Variants in MCPH1 observed in about 807,000 individuals in gnomAD.
MCPH1 encodes the protein microcephalin 1.
A neutral mutation model predicts 84.5 loss-of-function variants in MCPH1; 104 were observed. The ratio of observed to expected loss-of-function variants is 1.23; its 90% CI spans 1.05 to 1.45. MCPH1 has a LOEUF of 1.45. Among genes scored for constraint, MCPH1 ranks in the 40% most tolerant of loss-of-function variants. The probability of loss-of-function intolerance (pLI) is 0.00; values close to 1 mark genes in which losing one functional copy is unlikely to be tolerated. For synonymous variants in MCPH1, 514 were observed against 366.8 expected, an observed-to-expected ratio of 1.40 and a Z score of -4.58; for missense variants, 1,498 against 1,005.7, an observed-to-expected ratio of 1.49 and a Z score of -6.62.
rs541671333 is a variant in MCPH1, at chr8:6,467,358, T to C, written c.1936-10236T>C. On this transcript the variant is annotated intron_variant, in intron 9 of 13. Transcript: ENST00000344683. ...GTTGTTTTATTTTTCTGCAGAAATA[T>C]CTTCTGCTTTTCATTTTAAAGTATA... is the stretch of plus-strand genomic sequence containing the variant. Among the ~76,000 whole-genome samples, 3 of 152,358 alleles carry C rather than the reference T, an allele frequency of 2.0e-5. 1 individual carries two copies. Among genetic ancestry groups the C allele is most frequent in the African/African-American group, 7.2e-5 (3 of 41,594 alleles).
At chr8:6,423,857 G>C (rs542648216) in intron 3 of MCPH1, among the ~76,000 whole-genome samples, 2 of 152,168 alleles carry the variant, frequency 1.3e-5, no homozygotes, top group Non-Finnish European at 2.9e-5. Flanking sequence ...AATGTTGTGA[G>C]TTATCAGTTC....
At chr8:6,519,723 G>GT (rs1354255670) in intron 12 of MCPH1, 2 of 1,018,086 alleles carry the variant, frequency 2.0e-6, no homozygotes, top group Non-Finnish European at 2.7e-6. Context: ...TCTAGGCGAG[G>GT]TAGCTGCCCA....
At chr8:6,579,593 G>C (rs1184632386) in intron 12 of MCPH1, among the ~76,000 whole-genome samples, 1 of 152,134 alleles carries the variant, frequency 6.6e-6, no homozygotes, top group Non-Finnish European at 1.5e-5. Flanking sequence ...TGGACTTTTT[G>C]CTCATGCTTT....
chr8:6,498,129 A>G (rs1039982785), intron 11 of MCPH1, among the ~76,000 whole-genome samples: 2 of 152,270 alleles, frequency 1.3e-5, no homozygotes, highest in African/African-American at 2.4e-5. Context: ...GAATGATAAT[A>G]TTAAAATGTA....
chr8:6,640,477 TTAGA>T (rs1175686742), intron 13 of MCPH1, among the ~76,000 whole-genome samples: 2 of 152,342 alleles, frequency 1.3e-5, no homozygotes, highest in South Asian at 4.1e-4. Context: ...TCTGAATATC[TTAGA>T]TAGGAGATTT....
chr8:6,527,497 C>G, intron 12 of MCPH1: 1 of 1,580,232 alleles, frequency 6.3e-7, no homozygotes, highest in Non-Finnish European at 8.6e-7. Flanking sequence ...TTGAGACCGA[C>G]TTTCATATCT....
At chr8:6,604,615 C>T (rs553100306) in intron 12 of MCPH1, among the ~76,000 whole-genome samples, 1 of 152,368 alleles carries the variant, frequency 6.6e-6, no homozygotes, top group East Asian at 1.9e-4. Context: ...AGTGATTCTC[C>T]TGCCTCAGCC....
chr8:6,425,346 A>G (rs1800902240), intron 3 of MCPH1, among the ~76,000 whole-genome samples: 1 of 152,252 alleles, frequency 6.6e-6, no homozygotes, highest in South Asian at 2.1e-4. Flanking sequence ...ATAGAAATCT[A>G]ACTGGAAGCT....
At position 6,627,086 on chromosome 8, in the gene MCPH1, G is replaced by C. The variant is rs1178439135; in HGVS notation, c.2452+5395G>C. The C allele has an allele frequency of 4.1e-6, 4 of 985,266 alleles. No homozygotes were observed. In the African/African-American group the frequency reaches 5.2e-5, roughly 13 times the overall value. The allele number at this position is 985,266 out of a possible 1,614,324, so 61.0% of individuals were successfully genotyped here. A position where few individuals can be genotyped will look rare whatever the true frequency, so the allele number is the denominator to read the frequency against. ...GTCGATGTTTTCAGGAAAAAGATCC[G>C]ATAGCATGCAGGCCTTCTCATGCTG... On this transcript the variant is annotated intron_variant, in intron 13 of 13. Transcript: ENST00000344683.
intron 8 of MCPH1, among the ~76,000 whole-genome samples, chr8:6,453,369 T>C (rs553752630): frequency 2.0e-5 from 3 of 151,608 alleles, no homozygotes; most frequent in East Asian, 3.9e-4. Flanking sequence ...ATTTGTGAAA[T>C]TGTGAAAACA....
rs2129555669 is a variant in MCPH1 at position 6,444,852 on chromosome 8, C to T, written c.1130C>T (p.Thr377Ile). ...PKEKCKRKRSTRRSIMPRLQL... is the reference protein window; with the variant it reads ...PKEKCKRKRSIRRSIMPRLQL... Reference sequence around the variant, plus strand: ...GAAAAATGCAAGAGAAAGAGGAGCACCAGGAGATCTATCATGCCGAGGCTG... The same window carrying T: ...GAAAAATGCAAGAGAAAGAGGAGCATCAGGAGATCTATCATGCCGAGGCTG... Residue 377 changes from threonine to isoleucine, a missense_variant, in exon 8 of 14, where the codon ACC (threonine) becomes ATC (isoleucine). Transcript: ENST00000344683. 6.2e-7 allele frequency: 1 copy of T among 1,614,158 alleles called. No individual in the cohort carries two copies.
At chr8:6,633,768 C>T (rs1797335034) in intron 13 of MCPH1, among the ~76,000 whole-genome samples, 1 of 152,184 alleles carries the variant, frequency 6.6e-6, no homozygotes. Context: ...TCACGTGGGG[C>T]CGAGAACTCC....
intron 12 of MCPH1, among the ~76,000 whole-genome samples, chr8:6,565,815 G>T (rs769251431): frequency 1.8e-4 from 28 of 152,342 alleles, no homozygotes; most frequent in Admixed American, 5.9e-4. Flanking sequence ...AAGAAAGACA[G>T]TGATGCTTCC....
chr8:6,592,338 G>A (rs1462697708), intron 12 of MCPH1, among the ~76,000 whole-genome samples: 1 of 151,656 alleles, frequency 6.6e-6, no homozygotes, highest in Admixed American at 6.6e-5. Flanking sequence ...GTAGAGACAG[G>A]GTTTTGCCAT....
intron 9 of MCPH1, among the ~76,000 whole-genome samples, chr8:6,464,909 C>G (rs1806683950): frequency 6.6e-6 from 1 of 151,548 alleles, no homozygotes; most frequent in African/African-American, 2.4e-5. Flanking sequence ...TAAGGCAGGA[C>G]AATCACTTGA....
At chr8:6,475,149 A>C (rs993122689) in intron 9 of MCPH1, among the ~76,000 whole-genome samples, 1 of 152,292 alleles carries the variant, frequency 6.6e-6, no homozygotes, top group Middle Eastern at 3.4e-3. Context: ...CCATCTCATG[A>C]TGGTTATCCC....
Position 6,647,830 on chromosome 8 carries a change from C to T in MCPH1, c.*4781C>T, listed in dbSNP as rs1798286262. The T allele has an allele frequency of 6.6e-6, 1 of 152,160 alleles. No individual in the cohort carries two copies. 9.4% of individuals were successfully genotyped at this position (152,160 alleles called of 1,614,324 possible). A position where few individuals can be genotyped will look rare whatever the true frequency, so the allele number is the denominator to read the frequency against. On this transcript the variant is annotated 3_prime_UTR_variant, in exon 14 of 14. Coordinates refer to ENST00000344683, the MANE Select transcript of MCPH1 (RefSeq NM_024596.5). Reference sequence around the variant, plus strand: ...TAAAACTGGATTGTGATTTTGGTTACACAACTGTATACATTTACTAAAATC... The same window carrying T: ...TAAAACTGGATTGTGATTTTGGTTATACAACTGTATACATTTACTAAAATC...
intron 13 of MCPH1, among the ~76,000 whole-genome samples, chr8:6,631,706 T>C (rs1797174144): frequency 6.7e-6 from 1 of 149,966 alleles, no homozygotes; most frequent in Admixed American, 6.7e-5. Context: ...ATGTGGAAAA[T>C]TGGAACCTTG....
chr8:6,609,828 CCA>C (rs1554476435), intron 12 of MCPH1, among the ~76,000 whole-genome samples: 1 of 108,734 alleles, frequency 9.2e-6, no homozygotes, highest in Non-Finnish European at 2.2e-5. Context: ...CGCCCCCCCC[CCA>C]CACACAGACT....
Sources: allele counts gnomAD v4.1 joint callset (sites outside exome capture counted in the v4.1 genomes callset), GRCh38; gene constraint gnomAD v4.1.1; transcripts MANE v1.5; gene names NCBI Gene and HGNC (gene_info 2026-07-23, HGNC 2026-07-21).